The following IMMP2L variants were observed in gnomAD, a reference collection of about 807,000 sequenced individuals.
IMMP2L encodes inner mitochondrial membrane peptidase subunit 2.
Under a neutral mutation model 19.3 loss-of-function variants are expected in IMMP2L, and 18 were observed. The ratio of observed to expected loss-of-function variants is 0.93; its 90% CI spans 0.64 to 1.38. IMMP2L has a LOEUF of 1.38. Among genes scored for constraint, IMMP2L ranks in the 40% most tolerant of loss-of-function variants. IMMP2L has a pLI of 0.00. For synonymous variants in IMMP2L, 76 were observed against 73.0 expected (o/e 1.04, Z -0.21); for missense variants, 233 against 218.2 (o/e 1.07, Z -0.43).
intron 2 of IMMP2L, among the ~76,000 whole-genome samples, chr7:111,489,015 T>C (rs1326469315): frequency 6.6e-6 from 1 of 151,318 alleles, no homozygotes; most frequent in Non-Finnish European, 1.5e-5. Flanking sequence ...TTGAGAATTG[T>C]CTATTCATGT....
intron 3 of IMMP2L, among the ~76,000 whole-genome samples, chr7:111,377,123 AT>A (rs1830743440): frequency 6.6e-6 from 1 of 151,896 alleles, no homozygotes; most frequent in Admixed American, 6.6e-5. Context: ...AATATAGTAT[AT>A]ATAGTTATTT....
intron 3 of IMMP2L, among the ~76,000 whole-genome samples, chr7:110,992,819 G>T (rs1193818627): frequency 1.3e-5 from 2 of 151,988 alleles, no homozygotes; most frequent in East Asian, 1.9e-4. Context: ...TATTCAAATT[G>T]CCAGCTTCAT....
chr7:111,186,941 T>TA lies in IMMP2L; in HGVS notation c.240-223377_240-223376insT, dbSNP rs1423784138. ...AACTTCCCCCTCGTCCTTGCTTTTT[T>TA]TAAAAAAAAAAAGTTTTAATACCTT... On this transcript the variant is annotated intron_variant, in intron 3 of 5. Transcript: ENST00000405709. Among the ~76,000 whole-genome samples, 1,361 of 151,948 alleles carry TA rather than the reference T, an allele frequency of 9.0e-3. 25 individuals carry two copies. The highest frequency in any genetic ancestry group is 0.031 in the African/African-American group (1,278 of 41,438).
At chr7:111,032,602 A>C (rs1201194959) in intron 3 of IMMP2L, among the ~76,000 whole-genome samples, 1 of 152,154 alleles carries the variant, frequency 6.6e-6, no homozygotes, top group Non-Finnish European at 1.5e-5. Context: ...TGGGCAGATC[A>C]CTTGAAGTCA....
At chr7:111,196,162 C>T (rs370983244) in intron 3 of IMMP2L, among the ~76,000 whole-genome samples, 1 of 152,108 alleles carries the variant, frequency 6.6e-6, no homozygotes, top group Admixed American at 6.6e-5. Context: ...GCATAAGGGG[C>T]CACACCCATA....
At chr7:111,172,831 T>C (rs1806601390) in intron 3 of IMMP2L, among the ~76,000 whole-genome samples, 1 of 151,640 alleles carries the variant, frequency 6.6e-6, no homozygotes, top group Non-Finnish European at 1.5e-5. Flanking sequence ...TATAAAAGCA[T>C]TATTAAAAGG....
chr7:110,895,349 C>G (rs1449317701), intron 4 of IMMP2L, among the ~76,000 whole-genome samples: 8 of 152,254 alleles, frequency 5.3e-5, no homozygotes, highest in African/African-American at 1.9e-4. Context: ...CCATATCACC[C>G]TATATGGATG....
chr7:111,034,269 C>A (rs1791120378), intron 3 of IMMP2L, among the ~76,000 whole-genome samples: 1 of 151,692 alleles, frequency 6.6e-6, no homozygotes, highest in Admixed American at 6.6e-5. Context: ...AAATTCTTAC[C>A]CTGCAGTGAA....
chr7:110,911,535 A>C (rs554503559), intron 4 of IMMP2L, among the ~76,000 whole-genome samples: 1 of 152,266 alleles, frequency 6.6e-6, no homozygotes, highest in Admixed American at 6.5e-5. Context: ...ACAAATAAAA[A>C]GATTCATACC....
chr7:111,259,672 T>A (rs1273324073), intron 3 of IMMP2L, among the ~76,000 whole-genome samples: 1 of 144,368 alleles, frequency 6.9e-6, no homozygotes, highest in Non-Finnish European at 1.5e-5. Context: ...ATAATAATAA[T>A]AAATTAAGCT....
chr7:111,122,768 C>T (rs201320433), intron 3 of IMMP2L: 1 of 1,605,916 alleles, frequency 6.2e-7, no homozygotes, highest in African/African-American at 1.3e-5. Context: ...AAGAAGAAAG[C>T]TAAGATGAAG....
intron 4 of IMMP2L, among the ~76,000 whole-genome samples, chr7:110,918,782 C>T (rs1813924985): frequency 6.6e-6 from 1 of 152,080 alleles, no homozygotes; most frequent in South Asian, 2.1e-4. Flanking sequence ...TGTTATATTA[C>T]TCTTCCTTAC....
At chr7:111,303,562 C>A (rs1822498193) in intron 3 of IMMP2L, among the ~76,000 whole-genome samples, 1 of 152,012 alleles carries the variant, frequency 6.6e-6, no homozygotes, top group African/African-American at 2.4e-5. Flanking sequence ...TTGTGGGACT[C>A]CTTTCATATT....
chr7:111,260,977 G>T (rs889443325), intron 3 of IMMP2L, among the ~76,000 whole-genome samples: 1 of 152,052 alleles, frequency 6.6e-6, no homozygotes, highest in African/African-American at 2.4e-5. Flanking sequence ...TGAAATGAGG[G>T]ATATTTGGAA....
rs1431198456 is a variant in IMMP2L, at chr7:111,539,185, AAG to A, written c.-2-17738_-2-17737del. 4.7e-4 allele frequency among the ~76,000 whole-genome samples: 34 copies of A among 71,894 alleles called. 1 individual carries two copies. Among genetic ancestry groups the A allele is most frequent in the African/African-American group, 1.2e-3 (18 of 14,654 alleles). The allele number at this position is 71,894 out of a possible 152,430, so 47.2% of individuals were successfully genotyped here. On this transcript the variant is annotated intron_variant, in intron 1 of 5. Transcript: ENST00000405709. ...GAAGGAAGGAAGGAAGGAAGGAAGG[AAG>A]GAAGGAGGGAGAAAGAAAGAAAGAA...
At chr7:111,539,757 G>A (rs1300849072) in intron 1 of IMMP2L, among the ~76,000 whole-genome samples, 4 of 152,004 alleles carry the variant, frequency 2.6e-5, no homozygotes, top group Non-Finnish European at 5.9e-5. Flanking sequence ...AATCAGCAGT[G>A]GATTGAGGTT....
intron 5 of IMMP2L, among the ~76,000 whole-genome samples, chr7:110,693,896 T>C (rs1793683598): frequency 6.6e-6 from 1 of 152,120 alleles, no homozygotes; most frequent in South Asian, 2.1e-4. Flanking sequence ...GTGGTAGCAA[T>C]AATGCAAGGG....
At chr7:111,449,113 C>T (rs1368721029) in intron 3 of IMMP2L, among the ~76,000 whole-genome samples, 5 of 149,204 alleles carry the variant, frequency 3.4e-5, no homozygotes, top group Admixed American at 3.3e-4. Flanking sequence ...GATTCACAGC[C>T]GAATTCTACC....
In IMMP2L at chr7:110,780,607, C is replaced by T. The variant is rs745821752; in HGVS notation, c.408+105986G>A. Among the ~76,000 whole-genome samples, 25 of 151,746 alleles carry T rather than the reference C, an allele frequency of 1.6e-4. 1 individual carries two copies. The highest frequency in any genetic ancestry group is 9.7e-4 in the East Asian group (5 of 5,134). On this transcript the variant is annotated intron_variant, in intron 5 of 5. Coordinates refer to ENST00000405709, the MANE Select transcript of IMMP2L (RefSeq NM_032549.4). ...CTGCCTCGCTATTACCCCTTCCCCA[C>T]GTTGCCAACTCACCTCTATGTTCCC...
Sources: allele counts gnomAD v4.1 joint callset (sites outside exome capture counted in the v4.1 genomes callset), GRCh38; gene constraint gnomAD v4.1.1; transcripts MANE v1.5; gene names NCBI Gene and HGNC (gene_info 2026-07-23, HGNC 2026-07-21).